Variants in HYCC1 observed in about 807,000 individuals in gnomAD.
The protein encoded by HYCC1 is hyccin PI4KA lipid kinase complex subunit 1, also known as hyccin.
chr7:22,941,121 T>C, the HYCC1 span: 1 of 152,140 alleles, frequency 6.6e-6, no homozygotes, highest in Non-Finnish European at 1.5e-5. Flanking sequence ...AATGAGGTCA[T>C]TGTCTTATCA....
the HYCC1 span, chr7:22,976,870 GA>G: frequency 1.1e-6 from 1 of 914,102 alleles, no homozygotes; most frequent in Non-Finnish European, 1.8e-6. Context: ...GTGATATATA[GA>G]ATATATATAT....
the HYCC1 span, among the ~76,000 whole-genome samples, chr7:22,954,514 T>A: frequency 6.6e-6 from 1 of 151,310 alleles, no homozygotes; most frequent in Admixed American, 6.6e-5. Context: ...TTATAATCAT[T>A]TAACTTTATT....
At chr7:23,005,906 T>A in the HYCC1 span, among the ~76,000 whole-genome samples, 2 of 152,344 alleles carry the variant, frequency 1.3e-5, no homozygotes, top group Non-Finnish European at 2.9e-5. Context: ...TTCCTCTCCA[T>A]TTCCCTATCA....
the HYCC1 span, among the ~76,000 whole-genome samples, chr7:22,953,582 C>T: frequency 2.8e-4 from 43 of 151,750 alleles, no homozygotes; most frequent in African/African-American, 9.7e-4. Flanking sequence ...GTCTTTCTTT[C>T]CTCTCTCAAA....
At chr7:22,949,228 A>T in the HYCC1 span, among the ~76,000 whole-genome samples, 1 of 152,102 alleles carries the variant, frequency 6.6e-6, no homozygotes, top group Admixed American at 6.6e-5. Flanking sequence ...ATTCAATTGT[A>T]ATCTCAAAAC....
the HYCC1 span, among the ~76,000 whole-genome samples, chr7:23,012,990 T>A: frequency 6.6e-6 from 1 of 152,144 alleles, no homozygotes; most frequent in Non-Finnish European, 1.5e-5. Flanking sequence ...TCCCCCTACC[T>A]GAAGAGCGCC....
At chr7:22,943,993 T>C in the HYCC1 span, 5 of 152,182 alleles carry the variant, frequency 3.3e-5, no homozygotes, top group African/African-American at 9.7e-5. Context: ...GCCAAAGCAG[T>C]TGCAGTTAAA....
At chr7:22,931,006 C>G in the HYCC1 span, among the ~76,000 whole-genome samples, 3 of 151,954 alleles carry the variant, frequency 2.0e-5, no homozygotes, top group East Asian at 5.8e-4. Context: ...TGATAAAGAA[C>G]ATGTGAGATA....
At chr7:22,987,724 CACTTACAGTACTTT>C in the HYCC1 span, among the ~76,000 whole-genome samples, 2 of 151,498 alleles carry the variant, frequency 1.3e-5, no homozygotes, top group African/African-American at 4.9e-5. Context: ...CTTCATAAAC[CACTTACAGTACTTT>C]AACTTTTCTG....
the HYCC1 span, chr7:22,946,079 G>A: frequency 1.9e-6 from 3 of 1,613,354 alleles, no homozygotes; most frequent in South Asian, 1.1e-5. Context: ...CGACTGGCTG[G>A]TACTAGACGC....
At chr7:22,952,865 C>T in the HYCC1 span, among the ~76,000 whole-genome samples, 3 of 151,984 alleles carry the variant, frequency 2.0e-5, no homozygotes, top group East Asian at 5.8e-4. Flanking sequence ...AGGGCAAAAA[C>T]AAAGACTAAG....
the HYCC1 span, among the ~76,000 whole-genome samples, chr7:22,999,746 T>A: frequency 1.3e-5 from 2 of 152,176 alleles, no homozygotes; most frequent in African/African-American, 4.8e-5. Context: ...CTGCTGAGTA[T>A]AATGCAAAGT....
At chr7:22,940,513 A>G in the HYCC1 span, 1 of 152,106 alleles carries the variant, frequency 6.6e-6, no homozygotes, top group Non-Finnish European at 1.5e-5. Context: ...CGGCCTCCCA[A>G]AAGGCTGGGA....
At chr7:22,984,240 A>G in the HYCC1 span, among the ~76,000 whole-genome samples, 1 of 152,194 alleles carries the variant, frequency 6.6e-6, no homozygotes, top group Non-Finnish European at 1.5e-5. Flanking sequence ...TGGTTGTACA[A>G]CACTGTGAAT....
the HYCC1 span, chr7:22,939,077 C>A: frequency 6.6e-6 from 1 of 152,148 alleles, no homozygotes; most frequent in Non-Finnish European, 1.5e-5. Context: ...ACATACAGAT[C>A]TGCATTCTTT....
At chr7:22,919,593 G>A in the HYCC1 span, among the ~76,000 whole-genome samples, 14 of 151,232 alleles carry the variant, frequency 9.3e-5, no homozygotes, top group South Asian at 2.9e-3. Flanking sequence ...TCAATTAGGA[G>A]ATATGAATTA....
the HYCC1 span, among the ~76,000 whole-genome samples, chr7:22,996,127 T>C: frequency 4.0e-5 from 6 of 151,868 alleles, no homozygotes; most frequent in Non-Finnish European, 7.4e-5. Flanking sequence ...AACCCCTCTG[T>C]ACTAAAAATA....
chr7:22,981,530 G>T, the HYCC1 span, among the ~76,000 whole-genome samples: 8 of 152,216 alleles, frequency 5.3e-5, no homozygotes, highest in Admixed American at 3.3e-4. Context: ...AGAGCGAGTG[G>T]TTTTTTTAAG....
At chr7:22,903,748 A>G in the HYCC1 span, among the ~76,000 whole-genome samples, 73 of 152,330 alleles carry the variant, frequency 4.8e-4, no homozygotes, top group East Asian at 0.013. Flanking sequence ...TTTTAAAATG[A>G]CATACTAATA....
Sources: allele counts gnomAD v4.1 joint callset (sites outside exome capture counted in the v4.1 genomes callset), GRCh38; gene constraint gnomAD v4.1.1; transcripts MANE v1.5; gene names NCBI Gene and HGNC (gene_info 2026-07-23, HGNC 2026-07-21).